KIF4A: variants seen among roughly 807,000 people sequenced by gnomAD.
KIF4A encodes chromosome-associated kinesin KIF4A.
Under a neutral mutation model 105.9 loss-of-function variants are expected in KIF4A, and 7 were observed. The observed-to-expected ratio is 0.07, with a 90% confidence interval of 0.04 to 0.12. KIF4A has a LOEUF of 0.12. KIF4A is among the 10% of genes least tolerant of loss of function. KIF4A has a pLI of 1.00. For synonymous variants in KIF4A, 281 were observed against 331.3 expected, an observed-to-expected ratio of 0.85 and a Z score of 1.65; for missense variants, 558 against 929.2, an observed-to-expected ratio of 0.60 and a Z score of 5.19.
At chrX:70,331,639 T>TAAA (rs11403200) in intron 9 of KIF4A, among the ~76,000 whole-genome samples, 2 of 104,982 alleles carry the variant, frequency 1.9e-5, no homozygotes, top group East Asian at 3.0e-4. Flanking sequence ...CTTCAATTTG[T>TAAA]AAAAAAAAAA....
At chrX:70,329,355 A>G (rs2085922016) in intron 7 of KIF4A, 50 bp from the exon 8 acceptor site, 6 of 1,012,622 alleles carry the variant, frequency 5.9e-6, no homozygotes, top group Non-Finnish European at 8.3e-6. Flanking sequence ...AAACATAGGT[A>G]TATGTTGGAT....
At chrX:70,300,570 A>G in intron 5 of KIF4A, among the ~76,000 whole-genome samples, 1 of 111,815 alleles carries the variant, frequency 8.9e-6, no homozygotes, top group Non-Finnish European at 1.9e-5. Context: ...ATAAGACTAC[A>G]CAAGTCTGTC....
At chrX:70,370,552 A>G (rs1051386760) in intron 15 of KIF4A, among the ~76,000 whole-genome samples, 1 of 109,259 alleles carries the variant, frequency 9.2e-6, no homozygotes, top group Admixed American at 1.0e-4. Context: ...CTGTATGTAT[A>G]GAATATAGAA....
intron 7 of KIF4A, among the ~76,000 whole-genome samples, chrX:70,325,529 C>T (rs2085907868): frequency 1.8e-5 from 2 of 111,466 alleles, no homozygotes; most frequent in Admixed American, 9.5e-5. Context: ...CCACCCGCTT[C>T]GGCCCCCCAA....
chrX:70,369,731 A>G (rs2086122355), intron 15 of KIF4A, among the ~76,000 whole-genome samples: 1 of 111,686 alleles, frequency 9.0e-6, no homozygotes, highest in Non-Finnish European at 1.9e-5. Flanking sequence ...CAAGTTACAG[A>G]ATAACATATA....
At chrX:70,353,987 G>A (rs1261166972) in intron 15 of KIF4A, among the ~76,000 whole-genome samples, 180 bp downstream of exon 15, 1 of 112,459 alleles carries the variant, frequency 8.9e-6, no homozygotes, top group African/African-American at 3.2e-5. Flanking sequence ...ATGTAATTTT[G>A]TTCCATTTAA....
At position 70,398,387 on chromosome X, in the gene KIF4A, T is replaced by C. The variant is rs144906081; in HGVS notation, c.2489+2338T>C. Among the ~76,000 whole-genome samples the C allele has an allele frequency of 7.1e-5, 8 of 112,240 alleles. No homozygotes were observed. In the East Asian group the frequency reaches 2.2e-3, roughly 32 times the overall value. On this transcript the variant is annotated intron_variant, in intron 22 of 30. Transcript: ENST00000374403. ...TTATTAAAAATTTACCTACATACCA[T>C]ATGCGTAAGTAAATGATTATGTAAA...
chrX:70,293,275 T>C (rs2085768031), intron 3 of KIF4A, among the ~76,000 whole-genome samples: 1 of 112,557 alleles, frequency 8.9e-6, no homozygotes, highest in South Asian at 3.6e-4. Flanking sequence ...CAAAATTATC[T>C]TGGTAAATAG....
intron 28 of KIF4A, among the ~76,000 whole-genome samples, chrX:70,409,789 T>C (rs2086314380): frequency 1.1e-5 from 1 of 90,918 alleles, no homozygotes; most frequent in South Asian, 5.4e-4. Context: ...AGAGCAAGAC[T>C]GTCTCAAAAA....
intron 15 of KIF4A, among the ~76,000 whole-genome samples, chrX:70,365,149 C>T (rs763066865): frequency 5.4e-5 from 6 of 111,751 alleles, no homozygotes; most frequent in East Asian, 2.8e-4. Context: ...TGTGCTGAGA[C>T]GATGGAGTTT....
At chrX:70,374,052 A>G (rs771267109) in intron 15 of KIF4A, 99 bp from the exon 16 acceptor site, 3 of 430,743 alleles carry the variant, frequency 7.0e-6, no homozygotes, top group Non-Finnish European at 1.2e-5. Context: ...TGAAGTGGTA[A>G]AAATTAATGC....
chrX:70,383,575 C>T (rs1172594854), intron 18 of KIF4A, among the ~76,000 whole-genome samples: 1 of 111,992 alleles, frequency 8.9e-6, no homozygotes, highest in Non-Finnish European at 1.9e-5. Flanking sequence ...ATATGCAAAA[C>T]CTTGTACCCA....
At chrX:70,372,248 G>A (rs1351708948) in intron 15 of KIF4A, among the ~76,000 whole-genome samples, 3 of 112,316 alleles carry the variant, frequency 2.7e-5, no homozygotes, top group African/African-American at 6.5e-5. Flanking sequence ...GGTGGCGGCC[G>A]GGCAGAGGCT....
intron 29 of KIF4A, among the ~76,000 whole-genome samples, chrX:70,418,278 G>A (rs758832323): frequency 6.3e-5 from 7 of 111,796 alleles, no homozygotes; most frequent in Non-Finnish European, 1.1e-4. Context: ...TAAAGTTTCT[G>A]TACTGTTTTT....
chrX:70,365,083 C>G (rs2086095778), intron 15 of KIF4A, among the ~76,000 whole-genome samples: 1 of 111,855 alleles, frequency 8.9e-6, no homozygotes, highest in Admixed American at 9.5e-5. Context: ...GATTTTTGCA[C>G]ATTGATTTTG....
chrX:70,359,289 C>T (rs774105741), intron 15 of KIF4A, among the ~76,000 whole-genome samples: 13 of 111,252 alleles, frequency 1.2e-4, no homozygotes, highest in Non-Finnish European at 2.4e-4. Flanking sequence ...ACATACAATG[C>T]AGCCTCTTTA....
At chrX:70,410,303 G>T (rs926027057) in intron 28 of KIF4A, among the ~76,000 whole-genome samples, 3 of 111,892 alleles carry the variant, frequency 2.7e-5, no homozygotes, top group African/African-American at 9.7e-5. Context: ...ACTGAAGCAG[G>T]CACCAAAATG....
chrX:70,312,140 CT>C (rs527848699), intron 7 of KIF4A, among the ~76,000 whole-genome samples: 998 of 78,056 alleles, frequency 0.013, 21 homozygotes, highest in African/African-American at 0.046. Context: ...TTTTAAATGT[CT>C]TTTTTTTTTT....
intron 3 of KIF4A, among the ~76,000 whole-genome samples, chrX:70,295,490 A>G (rs1452748602): frequency 9.0e-6 from 1 of 111,163 alleles, no homozygotes; most frequent in African/African-American, 3.3e-5. Flanking sequence ...CTCAAACAGA[A>G]ATATATTTTA....
Sources: allele counts gnomAD v4.1 joint callset (sites outside exome capture counted in the v4.1 genomes callset), GRCh38; gene constraint gnomAD v4.1.1; transcripts MANE v1.5; gene names NCBI Gene and HGNC (gene_info 2026-07-23, HGNC 2026-07-21).